The following NECAB1 variants were observed in gnomAD, a reference collection of about 807,000 sequenced individuals.
NECAB1 encodes the protein N-terminal EF-hand calcium-binding protein 1.
In NECAB1, 29 loss-of-function variants were observed where a neutral mutation model predicts 57.5. The ratio of observed to expected loss-of-function variants is 0.50; its 90% confidence interval spans 0.38 to 0.69. The LOEUF (loss-of-function observed/expected upper bound fraction) is 0.69. NECAB1 is among the 30% of genes least tolerant of loss of function. The pLI is 0.00. For synonymous variants in NECAB1, 142 were observed against 147.7 expected, an observed-to-expected ratio of 0.96 and a Z score of 0.28; for missense variants, 372 against 413.8, an observed-to-expected ratio of 0.90 and a Z score of 0.88.
At chr8:90,869,452 G>A (rs1164947656) in intron 3 of NECAB1, among the ~76,000 whole-genome samples, 1 of 152,190 alleles carries the variant, frequency 6.6e-6, no homozygotes, top group East Asian at 1.9e-4. Context: ...CAGCTACAGG[G>A]GCTGGACCCT....
rs956439264 is a variant in NECAB1, at chr8:90,956,765, T to G, written c.*1253T>G. The G allele has an allele frequency of 7.2e-5, 11 of 152,378 alleles. No individual in the cohort carries two copies. Among genetic ancestry groups the G allele is most frequent in the Non-Finnish European group, 1.3e-4 (9 of 67,958 alleles). The allele number at this position is 152,378 out of a possible 1,614,324, so 9.4% of individuals were successfully genotyped here. A position where few individuals can be genotyped will look rare whatever the true frequency, so the allele number is the denominator to read the frequency against. On this transcript the variant is annotated 3_prime_UTR_variant, in exon 13 of 13. Transcript: ENST00000417640. The stretch of plus-strand genomic sequence containing the variant: ...AAAAGGAAGATTGAACTAATAAAAT[T>G]TTATTTCTTAAATATAAATTTGACC...
rs947259678 is a variant in NECAB1, at chr8:90,803,283, C to A, written c.124+1568C>A. Among the ~76,000 whole-genome samples the A allele has an allele frequency of 4.6e-5, 7 of 152,074 alleles. No individual in the cohort carries two copies. In the East Asian group the frequency reaches 1.4e-3, roughly 29 times the overall value. On this transcript the variant is annotated intron_variant, in intron 2 of 12. Coordinates refer to ENST00000417640, the MANE Select transcript of NECAB1 (RefSeq NM_022351.5). ...TTTGGTCTTTTGCCTGATATCCAGC[C>A]CCAGGGATGCCTGGTGTACAATTGA...
intron 5 of NECAB1, among the ~76,000 whole-genome samples, chr8:90,883,498 A>G (rs1355473076): frequency 6.6e-6 from 1 of 152,202 alleles, no homozygotes. Context: ...TTTATGAAAA[A>G]TGAAATACAA....
chr8:90,837,943 C>T (rs1812395329), intron 3 of NECAB1, among the ~76,000 whole-genome samples: 2 of 152,130 alleles, frequency 1.3e-5, no homozygotes, highest in Non-Finnish European at 2.9e-5. Flanking sequence ...AAATTTTTGC[C>T]CTTTATATTT....
At chr8:90,808,990 A>T (rs1427582668) in intron 2 of NECAB1, among the ~76,000 whole-genome samples, 2 of 151,926 alleles carry the variant, frequency 1.3e-5, no homozygotes, top group Non-Finnish European at 2.9e-5. Context: ...TGTCAATCAC[A>T]ATGTCCTGGT....
intron 10 of NECAB1, among the ~76,000 whole-genome samples, chr8:90,943,269 C>A (rs1258389713): frequency 6.6e-6 from 1 of 152,172 alleles, no homozygotes; most frequent in Non-Finnish European, 1.5e-5. Context: ...AGGAGAGCAT[C>A]TTTTTCCTGT....
intron 10 of NECAB1, among the ~76,000 whole-genome samples, chr8:90,943,789 T>C (rs772516687): frequency 2.4e-4 from 37 of 152,234 alleles, no homozygotes; most frequent in Non-Finnish European, 3.8e-4. Context: ...TCTTGCTCTG[T>C]TGCCCAGGCT....
Position 90,958,461 on chromosome 8 carries a change from G to C in NECAB1, c.*2949G>C, listed in dbSNP as rs528814139. On this transcript the variant is annotated 3_prime_UTR_variant, in exon 13 of 13. Transcript: ENST00000417640. The stretch of plus-strand genomic sequence containing the variant: ...TAGAGACCAATCATATATCTGAAAA[G>C]AAATACCCATTAAAAATTCTGCCTC... 6.6e-6 allele frequency: 1 copy of C among 151,394 alleles called. No homozygotes were observed. The allele number at this position is 151,394 out of a possible 1,614,324, so 9.4% of individuals were successfully genotyped here.
intron 4 of NECAB1, among the ~76,000 whole-genome samples, chr8:90,876,459 TCTAAACTCATGAGAATACTTTG>T (rs1808728902): frequency 6.6e-6 from 1 of 152,024 alleles, no homozygotes; most frequent in Non-Finnish European, 1.5e-5. Context: ...ATGAGAGTCA[TCTAAACTCATGAGAATACTTTG>T]TAAGACCAGT....
At chr8:90,901,899 T>TTG (rs148389383) in intron 5 of NECAB1, among the ~76,000 whole-genome samples, 4,936 of 149,474 alleles carry the variant, frequency 0.033, 232 homozygotes, top group African/African-American at 0.11. Context: ...CTCTCTGTAT[T>TTG]TGTGTGTGTG....
At chr8:90,918,454 A>G (rs1484564223) in intron 6 of NECAB1, among the ~76,000 whole-genome samples, 2 of 152,136 alleles carry the variant, frequency 1.3e-5, no homozygotes, top group Admixed American at 6.6e-5. Flanking sequence ...CACAAAAACT[A>G]TACTGCAAAG....
At chr8:90,936,795 T>G (rs1277059994) in intron 9 of NECAB1, among the ~76,000 whole-genome samples, 1 of 152,124 alleles carries the variant, frequency 6.6e-6, no homozygotes, top group Admixed American at 6.6e-5. Context: ...TGATTTCTTT[T>G]TTTAAGTCCA....
At chr8:90,894,187 AT>A (rs1809267557) in intron 5 of NECAB1, among the ~76,000 whole-genome samples, 2 of 152,182 alleles carry the variant, frequency 1.3e-5, no homozygotes, top group African/African-American at 4.8e-5. Context: ...TTCCAGACAC[AT>A]TTTTTCTCAC....
At position 90,880,963 on chromosome 8, in the gene NECAB1, T is replaced by G. The variant is rs558580132; in HGVS notation, c.260-70T>G. The stretch of plus-strand genomic sequence containing the variant: ...TTTACTCATTTAAGGAGTAAATAAT[T>G]AGTTGATTTTTTTGTTTTATGGTTA... On this transcript the variant is annotated intron_variant, in intron 4 of 12. Transcript: ENST00000417640. 1.2e-4 allele frequency: 133 copies of G among 1,089,388 alleles called. 1 individual carries two copies. Among genetic ancestry groups the G allele is most frequent in the East Asian group, 3.4e-4 (13 of 38,182 alleles). 67.5% of individuals were successfully genotyped at this position (1,089,388 alleles called of 1,614,324 possible).
intron 5 of NECAB1, among the ~76,000 whole-genome samples, chr8:90,898,800 G>T (rs1586101653): frequency 1.3e-5 from 2 of 152,190 alleles, no homozygotes; most frequent in South Asian, 4.1e-4. Flanking sequence ...CCTGGTACAT[G>T]GTAGGTACAC....
At chr8:90,955,209 T>G (rs1197332110) in intron 12 of NECAB1, among the ~76,000 whole-genome samples, 1 of 144,280 alleles carries the variant, frequency 6.9e-6, no homozygotes. Flanking sequence ...GATTCTGTCT[T>G]CAGTGCATTT....
chr8:90,832,843 CA>C (rs1161897589), intron 3 of NECAB1, among the ~76,000 whole-genome samples: 1 of 152,136 alleles, frequency 6.6e-6, no homozygotes, highest in Non-Finnish European at 1.5e-5. Flanking sequence ...AAGCTCTTTC[CA>C]TTGCCATATC....
intron 2 of NECAB1, among the ~76,000 whole-genome samples, chr8:90,814,122 T>C (rs1392127952): frequency 6.6e-6 from 1 of 152,230 alleles, no homozygotes; most frequent in Non-Finnish European, 1.5e-5. Flanking sequence ...AGACTTTCTT[T>C]GATTTGATAA....
intron 6 of NECAB1, among the ~76,000 whole-genome samples, chr8:90,919,635 A>G (rs1810056900): frequency 1.3e-5 from 2 of 152,228 alleles, no homozygotes; most frequent in African/African-American, 4.8e-5. Flanking sequence ...ATGGCAAAGT[A>G]TAACAATTCA....
Sources: gnomAD v4.1 joint callset for allele counts (sites outside exome capture counted in the v4.1 genomes callset) on GRCh38, gnomAD v4.1.1 for gene constraint, MANE v1.5 for transcripts, NCBI Gene and HGNC (gene_info 2026-07-23, HGNC 2026-07-21) for gene names.